PTPRR: variants seen among roughly 807,000 people sequenced by gnomAD.
PTPRR encodes the protein receptor-type tyrosine-protein phosphatase R.
A neutral mutation model predicts 77.2 loss-of-function variants in PTPRR; 38 were observed. The ratio of observed to expected loss-of-function variants is 0.49; its 90% confidence interval spans 0.38 to 0.65. The LOEUF (loss-of-function observed/expected upper bound fraction) is 0.65. Among genes scored for constraint, PTPRR ranks in the 30% least tolerant of loss-of-function variants. The pLI is 0.00. For synonymous variants in PTPRR, 299 were observed against 283.1 expected (o/e 1.06, Z -0.57); for missense variants, 744 against 799.2 (o/e 0.93, Z 0.83).
chr12:70,689,587 C>A (rs576419649), intron 8 of PTPRR, among the ~76,000 whole-genome samples: 2 of 152,154 alleles, frequency 1.3e-5, no homozygotes, highest in East Asian at 3.9e-4. Flanking sequence ...TCCGTCAATC[C>A]TATTGATCAA....
chr12:70,715,034 T>G (rs1181870235), intron 6 of PTPRR, among the ~76,000 whole-genome samples: 1 of 151,906 alleles, frequency 6.6e-6, no homozygotes, highest in African/African-American at 2.4e-5. Context: ...ATTTTTTTTT[T>G]GTTATTTAAG....
At chr12:70,855,998 A>AT (rs1330167685) in intron 2 of PTPRR, among the ~76,000 whole-genome samples, 3 of 152,092 alleles carry the variant, frequency 2.0e-5, no homozygotes, top group Admixed American at 1.3e-4. Context: ...AACCCACAGC[A>AT]TTTTTTTACT....
intron 2 of PTPRR, among the ~76,000 whole-genome samples, chr12:70,866,319 A>C: frequency 6.6e-6 from 1 of 152,202 alleles, no homozygotes; most frequent in Non-Finnish European, 1.5e-5. Flanking sequence ...AGAAGAATCA[A>C]ATAGATGCAA....
At chr12:70,890,734 T>C (rs1008912450) in intron 2 of PTPRR, among the ~76,000 whole-genome samples, 1 of 152,132 alleles carries the variant, frequency 6.6e-6, no homozygotes, top group African/African-American at 2.4e-5. Context: ...AAGGTCTGCA[T>C]TGATGTATAT....
chr12:70,888,102 G>A (rs1274947045), intron 2 of PTPRR, among the ~76,000 whole-genome samples: 1 of 152,014 alleles, frequency 6.6e-6, no homozygotes, highest in Non-Finnish European at 1.5e-5. Context: ...ATGGGAAAGA[G>A]TGGATACAGT....
At position 70,869,224 on chromosome 12, in the gene PTPRR, G is replaced by T. The variant is rs117666720; in HGVS notation, c.357+23455C>A. Among the ~76,000 whole-genome samples, 452 of 152,050 alleles carry T rather than the reference G, an allele frequency of 3.0e-3. 10 individuals carry two copies. In the East Asian group the frequency reaches 0.063, roughly 21 times the overall value. On this transcript the variant is annotated intron_variant, in intron 2 of 13. Transcript: ENST00000283228. The stretch of plus-strand genomic sequence containing the variant: ...AAAAAATACTTAAAATGTATTTTTA[G>T]ACAATAGAATTCCAAATTTAAGAAA...
chr12:70,843,823 T>C (rs570251972), intron 2 of PTPRR, among the ~76,000 whole-genome samples: 115 of 148,716 alleles, frequency 7.7e-4, no homozygotes, highest in Admixed American at 5.9e-3. Context: ...TTTTTTTTTT[T>C]TTTTTTTTTG....
At position 70,855,471 on chromosome 12, in the gene PTPRR, A is replaced by C. The variant is rs113357693; in HGVS notation, c.357+37208T>G. 7.1e-3 allele frequency among the ~76,000 whole-genome samples: 1,088 copies of C among 152,246 alleles called. 14 individuals carry two copies. Among genetic ancestry groups the C allele is most frequent in the African/African-American group, 0.025 (1,040 of 41,546 alleles). On this transcript the variant is annotated intron_variant, in intron 2 of 13. Transcript: ENST00000283228. ...GAGACTGACTAGGGCCAAGAGCAGC[A>C]TTGTAGGAATGCAAACTGAGCTGTA...
At chr12:70,687,887 G>A (rs1887926627) in intron 8 of PTPRR, among the ~76,000 whole-genome samples, 1 of 152,112 alleles carries the variant, frequency 6.6e-6, no homozygotes, top group African/African-American at 2.4e-5. Context: ...AAAGCATTCT[G>A]GAAATAAGTC....
chr12:70,822,167 T>C (rs1246296986), intron 2 of PTPRR, among the ~76,000 whole-genome samples: 1 of 152,166 alleles, frequency 6.6e-6, no homozygotes, highest in Non-Finnish European at 1.5e-5. Context: ...AAAGGCTGTA[T>C]TGAACATATG....
At chr12:70,684,035 T>C (rs1167312377) in intron 10 of PTPRR, 92 bp downstream of exon 10, 3 of 1,384,608 alleles carry the variant, frequency 2.2e-6, no homozygotes, top group Non-Finnish European at 2.0e-6. Context: ...GTTTCCATCT[T>C]AAATCTAAGT....
chr12:70,821,080 T>G (rs1891999072), intron 2 of PTPRR, among the ~76,000 whole-genome samples: 1 of 152,106 alleles, frequency 6.6e-6, no homozygotes, highest in Non-Finnish European at 1.5e-5. Flanking sequence ...GCAAAAAGAT[T>G]AATGAAGAAA....
chr12:70,692,258 A>G (rs765903812), intron 8 of PTPRR, among the ~76,000 whole-genome samples: 2 of 152,084 alleles, frequency 1.3e-5, no homozygotes, highest in Non-Finnish European at 2.9e-5. Flanking sequence ...TAACTATTAT[A>G]TTTATATACT....
intron 6 of PTPRR, among the ~76,000 whole-genome samples, chr12:70,718,381 T>C (rs1023934990): frequency 1.3e-5 from 2 of 152,154 alleles, no homozygotes; most frequent in Admixed American, 6.6e-5. Context: ...TTCTCCTGCC[T>C]CAGCCTCCCG....
intron 2 of PTPRR, among the ~76,000 whole-genome samples, chr12:70,891,414 A>G (rs1414193845): frequency 6.6e-6 from 1 of 152,098 alleles, no homozygotes; most frequent in African/African-American, 2.4e-5. Flanking sequence ...CATTAACATC[A>G]TTTATCTTCA....
chr12:70,682,153 C>T (rs1887693778), intron 10 of PTPRR, among the ~76,000 whole-genome samples: 1 of 145,980 alleles, frequency 6.9e-6, no homozygotes, highest in Non-Finnish European at 1.5e-5. Context: ...ACGCCATTCT[C>T]CTGCCTCAGC....
chr12:70,856,318 A>G (rs1191577189), intron 2 of PTPRR, among the ~76,000 whole-genome samples: 1 of 152,170 alleles, frequency 6.6e-6, no homozygotes, highest in Non-Finnish European at 1.5e-5. Context: ...AAGTAATGGG[A>G]GAATTGAGGA....
chr12:70,768,189 A>T (rs1272457057), intron 2 of PTPRR, among the ~76,000 whole-genome samples: 1 of 152,042 alleles, frequency 6.6e-6, no homozygotes. Flanking sequence ...GGAAATAGAG[A>T]CACAAAAAAC....
chr12:70,746,101 A>G lies in PTPRR; in HGVS notation c.739-15T>C. 6.3e-7 allele frequency: 1 copy of G among 1,599,526 alleles called. No homozygotes were observed. The highest frequency in any genetic ancestry group is 8.5e-7 in the Non-Finnish European group (1 of 1,172,102). On this transcript the variant is annotated splice_polypyrimidine_tract_variant and intron_variant, in intron 5 of 13. Coordinates refer to ENST00000283228, the MANE Select transcript of PTPRR (RefSeq NM_002849.4). Reference sequence around the variant, plus strand: ...CTGTAAAGAATCTATAGAAGGAGATATAAAAAACTCCTGTCACATTTTCTC... The same window carrying G: ...CTGTAAAGAATCTATAGAAGGAGATGTAAAAAACTCCTGTCACATTTTCTC...
Sources: gnomAD v4.1 joint callset for allele counts (sites outside exome capture counted in the v4.1 genomes callset) on GRCh38, gnomAD v4.1.1 for gene constraint, MANE v1.5 for transcripts, NCBI Gene and HGNC (gene_info 2026-07-23, HGNC 2026-07-21) for gene names.